Variants in ESRP1 observed in about 807,000 individuals in gnomAD.
The protein encoded by ESRP1 is epithelial splicing regulatory protein 1.
A neutral mutation model predicts 81.7 loss-of-function variants in ESRP1; 33 were observed. The observed-to-expected ratio is 0.40, with a 90% CI of 0.31 to 0.54. The LOEUF is 0.54. Ranked by LOEUF, ESRP1 falls within the 20% of genes least tolerant of loss-of-function variation. ESRP1 has a pLI of 0.41. For synonymous variants in ESRP1, 320 were observed against 303.3 expected, an observed-to-expected ratio of 1.06 and a Z score of -0.57; for missense variants, 672 against 833.1, an observed-to-expected ratio of 0.81 and a Z score of 2.38.
intron 13 of ESRP1, among the ~76,000 whole-genome samples, chr8:94,685,013 G>A (rs991590360): frequency 7.7e-6 from 1 of 130,000 alleles, no homozygotes; most frequent in Admixed American, 7.8e-5. Flanking sequence ...GACAGCACAA[G>A]CCTGTCTTTA....
chr8:94,660,496 T>C (rs1818665960), intron 4 of ESRP1, among the ~76,000 whole-genome samples: 1 of 149,592 alleles, frequency 6.7e-6, no homozygotes, highest in Non-Finnish European at 1.5e-5. Context: ...CCCAGCACTT[T>C]AGGATACTGA....
At chr8:94,692,450 C>G (rs1186414427) in intron 13 of ESRP1, among the ~76,000 whole-genome samples, 1 of 151,888 alleles carries the variant, frequency 6.6e-6, no homozygotes, top group Non-Finnish European at 1.5e-5. Flanking sequence ...GTGAGGAAGC[C>G]CTGTATGTAA....
At chr8:94,665,683 G>A (rs917580150) in intron 9 of ESRP1, among the ~76,000 whole-genome samples, 1 of 152,038 alleles carries the variant, frequency 6.6e-6, no homozygotes, top group African/African-American at 2.4e-5. Context: ...AATAGAGATG[G>A]GGTTTCACCA....
In ESRP1 at chr8:94,671,634, T is replaced by C. The variant is rs1456065130; in HGVS notation, c.1415T>C (p.Ile472Thr). The C allele has an allele frequency of 4.3e-6, 7 of 1,613,896 alleles. No homozygotes were observed. Among genetic ancestry groups the C allele is most frequent in the Admixed American group, 1.7e-5 (1 of 59,986 alleles). Residue 472 changes from isoleucine to threonine, a missense_variant, in exon 11 of 16, where the codon ATT becomes ACT. Ile to Thr is a moderately conservative substitution (Grantham distance 89, BLOSUM62 -1). Transcript: ENST00000433389. ...LDFLGEFATD[I>T]RTHGVHMVLN... ...TTCCTGGGGGAGTTCGCCACAGATA[T>C]TCGTACTCATGGGGTTCACATGGTT...
intron 4 of ESRP1, among the ~76,000 whole-genome samples, chr8:94,661,795 G>C (rs1282425951): frequency 1.3e-5 from 2 of 152,132 alleles, no homozygotes; most frequent in African/African-American, 4.8e-5. Context: ...AGCAAAAGTG[G>C]CATTGTGGAA....
chr8:94,687,114 C>G lies in ESRP1; in HGVS notation c.1821-5563C>G, dbSNP rs141476192. Among the ~76,000 whole-genome samples, 1,191 of 152,174 alleles carry G rather than the reference C, an allele frequency of 7.8e-3. 15 individuals are homozygous for G. Among genetic ancestry groups the G allele is most frequent in the African/African-American group, 0.027 (1,113 of 41,524 alleles). On this transcript the variant is annotated intron_variant, in intron 13 of 15. Transcript: ENST00000433389. ...ATATTATGTCACTCCAAAAAGAAAC[C>G]TTATGCCCATTAGTTAGAAACTCCC...
rs80030632 is a variant in ESRP1, at chr8:94,667,098, C to T, written c.932-851C>T. On this transcript the variant is annotated intron_variant, in intron 9 of 15. Transcript: ENST00000433389. ...GTGTGTGTGTGTGTGTGTGTGTAAT[C>T]CCAGCTACTCTGGGAGGCCGAGGCA... 1.0e-3 allele frequency among the ~76,000 whole-genome samples: 61 copies of T among 59,902 alleles called. No individual in the cohort carries two copies. In the East Asian group the frequency reaches 0.02, roughly 20 times the overall value. 39.3% of individuals were successfully genotyped at this position (59,902 alleles called of 152,430 possible).
rs1810072879 is a variant in ESRP1, at chr8:94,706,454, G to C, written c.*565G>C. 6.5e-6 allele frequency: 1 copy of C among 152,850 alleles called. No individual in the cohort carries two copies. Among genetic ancestry groups the C allele is most frequent in the South Asian group, 2.1e-4 (1 of 4,854 alleles). 9.5% of individuals were successfully genotyped at this position (152,850 alleles called of 1,614,324 possible). On this transcript the variant is annotated 3_prime_UTR_variant, in exon 16 of 16. Transcript: ENST00000433389. ...GTTATTTTCCCAGTCTCTTGGCCAT[G>C]ATGATATCTTATGATTAAAAACAAA...
Position 94,664,733 on chromosome 8 carries a change from C to T in ESRP1, c.681C>T (p.Val227=), listed in dbSNP as rs1463713868. Residue 227 remains valine, a synonymous_variant, in exon 7 of 16, where the codon GTC becomes GTT. Coordinates refer to ENST00000433389, the MANE Select transcript of ESRP1 (RefSeq NM_017697.4). ...AACTTATTGATGATAACACCGTAGT[C>T]AGGGCACGAGGTTTACCATGGCAGT... ...KMELIDDNTV[V]RARGLPWQSS... The T allele has an allele frequency of 6.2e-7, 1 of 1,613,842 alleles. No homozygotes were observed. The highest frequency in any genetic ancestry group is 1.3e-5 in the African/African-American group (1 of 74,928).
At chr8:94,705,897 T>A in intron 15 of ESRP1, 28 bp from the exon 16 acceptor site, 1 of 1,468,698 alleles carries the variant, frequency 6.8e-7, no homozygotes, top group East Asian at 2.5e-5. Flanking sequence ...CATTTCCTTT[T>A]ATTCACTTTT....
At chr8:94,668,387 G>A in intron 10 of ESRP1, 137 bp downstream of exon 10, 1 of 827,986 alleles carries the variant, frequency 1.2e-6, no homozygotes, top group Non-Finnish European at 1.8e-6. Context: ...AAATAGTCTT[G>A]ATTCTATAAC....
At chr8:94,673,825 A>G (rs1178295742) in intron 11 of ESRP1, among the ~76,000 whole-genome samples, 1 of 152,148 alleles carries the variant, frequency 6.6e-6, no homozygotes, top group Non-Finnish European at 1.5e-5. Flanking sequence ...GAAGATTGAA[A>G]GGGATATGGC....
At chr8:94,688,142 C>T (rs60573557) in intron 13 of ESRP1, 52,209 of 152,810 alleles carry the variant, frequency 0.34, 9,578 homozygotes, top group East Asian at 0.56. Context: ...TCCAGCACCA[C>T]TTATTGAAAA....
chr8:94,653,407 T>G (rs1818247074), intron 4 of ESRP1, among the ~76,000 whole-genome samples: 1 of 152,154 alleles, frequency 6.6e-6, no homozygotes, highest in South Asian at 2.1e-4. Context: ...GACTATTGTA[T>G]AAGGATTAAT....
chr8:94,678,427 G>A (rs1005763845), intron 13 of ESRP1, 56 bp downstream of exon 13: 22 of 1,573,292 alleles, frequency 1.4e-5, no homozygotes, highest in Non-Finnish European at 1.7e-5. Flanking sequence ...TCCTTTGATA[G>A]CCAGTGCAAG....
chr8:94,667,068 GGTGTGTGT>G (rs1163646804), intron 9 of ESRP1, among the ~76,000 whole-genome samples: 6 of 144,244 alleles, frequency 4.2e-5, no homozygotes, highest in South Asian at 2.2e-4. Flanking sequence ...CCAGGAGAGG[GGTGTGTGT>G]GTGTGTGTGT....
chr8:94,674,293 C>G lies in ESRP1; in HGVS notation c.1453-15C>G. ...ACAGTCTCCTTTTGTTTTTATTCTT[C>G]CCCCACACACTCAGGGCCGCCCATC... On this transcript the variant is annotated splice_polypyrimidine_tract_variant and intron_variant, in intron 11 of 15. Transcript: ENST00000433389. The G allele has an allele frequency of 6.2e-7, 1 of 1,605,462 alleles. No homozygotes were observed. Among genetic ancestry groups the G allele is most frequent in the Non-Finnish European group, 8.5e-7 (1 of 1,177,966 alleles).
chr8:94,665,283 G>A (rs187121739), intron 9 of ESRP1, 87 bp downstream of exon 9: 1 of 1,270,900 alleles, frequency 7.9e-7, no homozygotes, highest in Admixed American at 2.2e-5. Context: ...GGTGAATAGG[G>A]TCATGAATGG....
intron 13 of ESRP1, among the ~76,000 whole-genome samples, chr8:94,681,831 G>C (rs759121743): frequency 6.6e-6 from 1 of 152,026 alleles, no homozygotes; most frequent in Non-Finnish European, 1.5e-5. Context: ...CTACTCCGGA[G>C]GCCAAGGCAG....
Sources: gnomAD v4.1 joint callset for allele counts (sites outside exome capture counted in the v4.1 genomes callset) on GRCh38, gnomAD v4.1.1 for gene constraint, MANE v1.5 for transcripts, NCBI Gene and HGNC (gene_info 2026-07-23, HGNC 2026-07-21) for gene names.